ZNF254: variants seen among roughly 807,000 people sequenced by gnomAD.
ZNF254 encodes the protein zinc finger protein 254.
In ZNF254, 10 loss-of-function variants were observed where a neutral mutation model predicts 12.4. That is an observed-to-expected ratio of 0.80 (90% CI 0.50 to 1.36). The LOEUF is 1.36. Ranked by LOEUF, ZNF254 falls within the 40% of genes most tolerant of loss-of-function variation. The pLI is 0.00. For synonymous variants in ZNF254, 305 were observed against 253.4 expected (o/e 1.20, Z -1.93); for missense variants, 996 against 763.9 (o/e 1.30, Z -3.58).
rs151144577 is a variant in ZNF254 at position 24,102,706 on chromosome 19, A to T, written c.31-3234A>T. Among the ~76,000 whole-genome samples, 23 of 152,330 alleles carry T rather than the reference A, an allele frequency of 1.5e-4. No individual in the cohort carries two copies. In the East Asian group the frequency reaches 4.2e-3, roughly 28 times the overall value. On this transcript the variant is annotated intron_variant, in intron 1 of 3. Transcript: ENST00000357002. Reference sequence around the variant, plus strand: ...TAGGGTCTTAATTTAATAATTTTATATTAAAACCAGTGTTTACAGAGACAT... The same window carrying T: ...TAGGGTCTTAATTTAATAATTTTATTTTAAAACCAGTGTTTACAGAGACAT...
intron 2 of ZNF254, among the ~76,000 whole-genome samples, chr19:24,063,338 A>C (rs756812869): frequency 2.0e-5 from 3 of 152,188 alleles, no homozygotes; most frequent in Non-Finnish European, 4.4e-5. Context: ...CCACAGTGCC[A>C]TATCACCGGG....
intron 2 of ZNF254, among the ~76,000 whole-genome samples, chr19:24,051,388 GACCTCAAGTGAGCC>G (rs1970640687): frequency 1.3e-5 from 2 of 151,264 alleles, no homozygotes; most frequent in African/African-American, 4.9e-5. Flanking sequence ...TCGAATTCCT[GACCTCAAGTGAGCC>G]ACCTGCCTTG....
intron 1 of ZNF254, among the ~76,000 whole-genome samples, chr19:24,096,489 G>C (rs189270092): frequency 6.6e-5 from 10 of 151,966 alleles, no homozygotes; most frequent in African/African-American, 9.6e-5. Context: ...TATTTTTATT[G>C]AACTATATTT....
intron 2 of ZNF254, among the ~76,000 whole-genome samples, chr19:24,071,282 A>G (rs1285590309): frequency 6.6e-6 from 1 of 152,162 alleles, no homozygotes; most frequent in Admixed American, 6.5e-5. Flanking sequence ...ACTAATCCCT[A>G]GGCACAGCAC....
chr19:24,128,723 C>T lies in ZNF254; in HGVS notation c.*743C>T, dbSNP rs1975058640. On this transcript the variant is annotated 3_prime_UTR_variant, in exon 4 of 4. Coordinates refer to ENST00000357002, the MANE Select transcript of ZNF254 (RefSeq NM_203282.4). The stretch of plus-strand genomic sequence containing the variant: ...TCCAAAATTAAGTCTATGTAAATAT[C>T]AGGGAATAATTCACAGTAGAAATAT... The T allele has an allele frequency of 6.6e-6, 1 of 151,964 alleles. No individual in the cohort carries two copies. The highest frequency in any genetic ancestry group is 1.5e-5 in the Non-Finnish European group (1 of 67,906). The allele number at this position is 151,964 out of a possible 1,614,324, so 9.4% of individuals were successfully genotyped here.
intron 2 of ZNF254, among the ~76,000 whole-genome samples, chr19:24,061,784 AAG>A (rs1971078306): frequency 6.6e-6 from 1 of 152,092 alleles, no homozygotes; most frequent in Non-Finnish European, 1.5e-5. Flanking sequence ...TAGGCTTAGA[AAG>A]AGGAGTAAAA....
chr19:24,070,777 T>C (rs945864695), intron 2 of ZNF254, among the ~76,000 whole-genome samples: 3 of 152,160 alleles, frequency 2.0e-5, no homozygotes, highest in Non-Finnish European at 4.4e-5. Flanking sequence ...GACATATTGT[T>C]TGAAGCAGTA....
At chr19:24,125,477 G>A (rs1188674953) in intron 3 of ZNF254, among the ~76,000 whole-genome samples, 1 of 151,046 alleles carries the variant, frequency 6.6e-6, no homozygotes, top group African/African-American at 2.4e-5. Context: ...GCCCTATTTT[G>A]TATATATTAT....
intron 2 of ZNF254, chr19:24,079,523 T>C (rs117825292): frequency 0.018 from 2,672 of 152,312 alleles, 37 homozygotes; most frequent in Middle Eastern, 0.034. Flanking sequence ...AGAGGAGGTG[T>C]CCCCTTTTCT....
intron 3 of ZNF254, among the ~76,000 whole-genome samples, chr19:24,113,299 T>C (rs55793009): frequency 1.6e-3 from 246 of 152,218 alleles, no homozygotes; most frequent in African/African-American, 5.7e-3. Context: ...ACTGGCAAAC[T>C]GAATCCAGCA....
At chr19:24,111,617 G>C (rs1219648097) in intron 3 of ZNF254, among the ~76,000 whole-genome samples, 5 of 152,342 alleles carry the variant, frequency 3.3e-5, no homozygotes, top group Admixed American at 2.6e-4. Context: ...AGCACCTGTT[G>C]TTTCCTGACT....
chr19:24,085,145 G>C (rs530640713), upstream of ZNF254, among the ~76,000 whole-genome samples: 4 of 147,972 alleles, frequency 2.7e-5, no homozygotes, highest in South Asian at 8.6e-4. Flanking sequence ...TATTGGCCAG[G>C]CTGGTCTTGA....
chr19:24,087,218 G>C lies in ZNF254; in HGVS notation c.-90G>C. The stretch of plus-strand genomic sequence containing the variant: ...GTCTCTCGCTGTCGCCGGAGTCCCA[G>C]GTCTGTCTTCACTGCTCTGTGTCCT... On this transcript the variant is annotated 5_prime_UTR_variant, in exon 1 of 4. Coordinates refer to ENST00000357002, the MANE Select transcript of ZNF254 (RefSeq NM_203282.4). 6.3e-7 allele frequency: 1 copy of C among 1,578,352 alleles called. No homozygotes were observed. Among genetic ancestry groups the C allele is most frequent in the South Asian group, 1.1e-5 (1 of 90,396 alleles).
At chr19:24,087,157 T>A (rs1972070491), upstream of ZNF254, 1 of 979,378 alleles carries the variant, frequency 1.0e-6, no homozygotes, top group Non-Finnish European at 1.6e-6. Context: ...ACAGCTGGAC[T>A]GGACAAAGCG....
intron 1 of ZNF254, among the ~76,000 whole-genome samples, chr19:24,095,502 ATCTG>A (rs1317995641): frequency 6.6e-6 from 1 of 152,178 alleles, no homozygotes; most frequent in Non-Finnish European, 1.5e-5. Context: ...TCAGCTGTGA[ATCTG>A]TCTGGTCCTT....
At chr19:24,083,457 A>T (rs1971920272), upstream of ZNF254, among the ~76,000 whole-genome samples, 1 of 152,134 alleles carries the variant, frequency 6.6e-6, no homozygotes, top group Non-Finnish European at 1.5e-5. Flanking sequence ...ATAACTAAAA[A>T]ACTCTAAAAT....
At chr19:24,054,964 G>C (rs1970783442) in intron 2 of ZNF254, among the ~76,000 whole-genome samples, 1 of 151,878 alleles carries the variant, frequency 6.6e-6, no homozygotes, top group Admixed American at 6.6e-5. Flanking sequence ...CAGCACTTTG[G>C]GAGGCCGAGG....
At chr19:24,044,237 T>TAAAA (rs369998937) in intron 1 of ZNF254, among the ~76,000 whole-genome samples, 1 of 133,874 alleles carries the variant, frequency 7.5e-6, no homozygotes. Flanking sequence ...AGACTCCGTT[T>TAAAA]AAAAAAAAAA....
At chr19:24,047,844 C>A (rs1366595710) in intron 2 of ZNF254, among the ~76,000 whole-genome samples, 3 of 150,766 alleles carry the variant, frequency 2.0e-5, no homozygotes, top group African/African-American at 7.3e-5. Flanking sequence ...TGTGCCGCCA[C>A]GCCCAGGTAA....
Sources: gnomAD v4.1 joint callset for allele counts (sites outside exome capture counted in the v4.1 genomes callset) on GRCh38, gnomAD v4.1.1 for gene constraint, MANE v1.5 for transcripts, NCBI Gene and HGNC (gene_info 2026-07-23, HGNC 2026-07-21) for gene names.